The following TENM3 variants were observed in gnomAD, a reference collection of about 807,000 sequenced individuals.
The protein encoded by TENM3 is teneurin-3.
Under a neutral mutation model 255.1 loss-of-function variants are expected in TENM3, and 63 were observed. The ratio of observed to expected loss-of-function variants is 0.25; its 90% CI spans 0.20 to 0.30. The LOEUF is 0.30. Among genes scored for constraint, TENM3 ranks in the 10% least tolerant of loss-of-function variants. The pLI, the probability that TENM3 is intolerant of heterozygous loss-of-function variation, is 1.00. For synonymous variants in TENM3, 1,306 were observed against 1,322.3 expected (o/e 0.99, Z 0.27); for missense variants, 2,929 against 3,461.1 (o/e 0.85, Z 3.86).
the TENM3 span, among the ~76,000 whole-genome samples, chr4:182,128,778 T>C: frequency 5.3e-5 from 8 of 152,196 alleles, no homozygotes; most frequent in African/African-American, 1.9e-4. Context: ...TTACTTTTCA[T>C]TTCATCACTG....
the TENM3 span, among the ~76,000 whole-genome samples, chr4:182,097,342 G>A: frequency 4.6e-5 from 7 of 152,020 alleles, no homozygotes; most frequent in South Asian, 4.2e-4. Context: ...CACCTCCCTC[G>A]GCTCTGCCCT....
rs1180098828 is a variant in TENM3, at chr4:182,356,902, G to A, written c.511+9973G>A. Among the ~76,000 whole-genome samples the A allele has an allele frequency of 3.0e-4, 38 of 126,748 alleles. No homozygotes were observed. In the Admixed American group the frequency reaches 3.3e-3, roughly 11 times the overall value. The allele number at this position is 126,748 out of a possible 152,430, so 83.2% of individuals were successfully genotyped here. A position where few individuals can be genotyped will look rare whatever the true frequency, so the allele number is the denominator to read the frequency against. ...CCCACAACAGTCCCCAGAGTGTGAT[G>A]TTCCCCTTCCTGTGTCCATGTGTTC... On this transcript the variant is annotated intron_variant, in intron 3 of 27. Transcript: ENST00000511685.
chr4:181,979,537 T>C, the TENM3 span, among the ~76,000 whole-genome samples: 1 of 152,158 alleles, frequency 6.6e-6, no homozygotes, highest in African/African-American at 2.4e-5. Context: ...AAACCTTGAT[T>C]CCAGCTACCC....
chr4:182,174,445 G>GT (rs34770548), intron 1 of TENM3, among the ~76,000 whole-genome samples: 13,596 of 135,286 alleles, frequency 0.1, 952 homozygotes, highest in Admixed American at 0.2. Flanking sequence ...CTCTTTTTGT[G>GT]TTTTTTTTTT....
At chr4:181,591,869 T>C in the TENM3 span, among the ~76,000 whole-genome samples, 1 of 151,876 alleles carries the variant, frequency 6.6e-6, no homozygotes, top group Non-Finnish European at 1.5e-5. Context: ...CAGTGTAGAA[T>C]GCTACACAGC....
At chr4:181,768,453 C>T in the TENM3 span, among the ~76,000 whole-genome samples, 1 of 152,208 alleles carries the variant, frequency 6.6e-6, no homozygotes, top group Non-Finnish European at 1.5e-5. Flanking sequence ...AACATTAGAA[C>T]TCTTTACTCA....
chr4:181,499,515 A>G, the TENM3 span, among the ~76,000 whole-genome samples: 2 of 152,208 alleles, frequency 1.3e-5, no homozygotes, highest in Admixed American at 6.5e-5. Flanking sequence ...GCTGGCTGAC[A>G]TGAAGGGGCA....
the TENM3 span, among the ~76,000 whole-genome samples, chr4:181,952,431 T>C: frequency 6.6e-6 from 1 of 152,210 alleles, no homozygotes; most frequent in Non-Finnish European, 1.5e-5. Flanking sequence ...GTACAACACA[T>C]TAAGCAAAGA....
chr4:181,627,620 A>G, the TENM3 span, among the ~76,000 whole-genome samples: 2 of 152,288 alleles, frequency 1.3e-5, no homozygotes, highest in Non-Finnish European at 2.9e-5. Flanking sequence ...TTTGCTGAGA[A>G]TGATGGTTTC....
chr4:182,451,933 G>C (rs1160059856), intron 3 of TENM3, among the ~76,000 whole-genome samples: 1 of 152,176 alleles, frequency 6.6e-6, no homozygotes, highest in Non-Finnish European at 1.5e-5. Flanking sequence ...CAATCCAGAT[G>C]TAAATGCTAA....
chr4:182,447,272 GA>G (rs770714382), intron 3 of TENM3, among the ~76,000 whole-genome samples: 62 of 140,502 alleles, frequency 4.4e-4, no homozygotes, highest in Middle Eastern at 7.4e-3. Context: ...GTTAGTGATA[GA>G]AAAAAAAAAA....
At chr4:182,083,226 A>G in the TENM3 span, among the ~76,000 whole-genome samples, 35 of 152,332 alleles carry the variant, frequency 2.3e-4, 2 homozygotes, top group Middle Eastern at 3.4e-3. Context: ...TTAGATATGT[A>G]TTAAGTAATA....
At chr4:182,142,939 CTG>C (rs779188175), upstream of TENM3, 1 of 167,140 alleles carries the variant, frequency 6.0e-6, no homozygotes, top group East Asian at 1.9e-4. Flanking sequence ...CTACAAAACT[CTG>C]GAACCTCCAG....
chr4:181,730,319 A>G, the TENM3 span, among the ~76,000 whole-genome samples: 3 of 152,192 alleles, frequency 2.0e-5, no homozygotes, highest in African/African-American at 7.2e-5. Flanking sequence ...GGCTGAAAGA[A>G]TCATCCAGAA....
In TENM3 at chr4:182,673,041, T is replaced by C. The variant is rs753369911; in HGVS notation, c.1148T>C (p.Ile383Thr). The C allele has an allele frequency of 3.7e-6, 6 of 1,603,058 alleles. No homozygotes were observed. The highest frequency in any genetic ancestry group is 4.5e-5 in the East Asian group (2 of 44,706). Reference sequence around the variant, plus strand: ...GGATTTACGCAAGAAAATAACACCATAGATTCCGGAGAACTTGATATTGGC... The same window carrying C: ...GGATTTACGCAAGAAAATAACACCACAGATTCCGGAGAACTTGATATTGGC... ...LGGFTQENNT[I>T]DSGELDIGRR... The change falls in exon 7 of 28, where the codon ATA (isoleucine) becomes ACA (threonine). Residue 383 changes from isoleucine (I) to threonine (T), a missense_variant. Physicochemically the swap from Ile to Thr is moderately conservative, Grantham distance 89. Transcript: ENST00000511685.
the TENM3 span, among the ~76,000 whole-genome samples, chr4:181,659,442 C>G: frequency 6.6e-6 from 1 of 152,062 alleles, no homozygotes; most frequent in Non-Finnish European, 1.5e-5. Context: ...TGACCCTTTC[C>G]GGTAACAATT....
chr4:182,568,842 CA>C (rs1330665720), intron 3 of TENM3, among the ~76,000 whole-genome samples: 1 of 152,140 alleles, frequency 6.6e-6, no homozygotes, highest in African/African-American at 2.4e-5. Flanking sequence ...GAATGCACCT[CA>C]AAAACACTAG....
intron 12 of TENM3, among the ~76,000 whole-genome samples, chr4:182,712,201 C>T (rs1011782513): frequency 1.2e-4 from 18 of 152,222 alleles, no homozygotes; most frequent in Middle Eastern, 3.4e-3. Flanking sequence ...ACAGCAGATT[C>T]TCACATCTTC....
At chr4:182,670,849 T>G (rs912274921) in intron 6 of TENM3, among the ~76,000 whole-genome samples, 2 of 152,150 alleles carry the variant, frequency 1.3e-5, no homozygotes, top group Non-Finnish European at 2.9e-5. Flanking sequence ...TAAGTGTGTT[T>G]GAGGCATCGA....
Sources: allele counts gnomAD v4.1 joint callset (sites outside exome capture counted in the v4.1 genomes callset), GRCh38; gene constraint gnomAD v4.1.1; transcripts MANE v1.5; gene names NCBI Gene and HGNC (gene_info 2026-07-23, HGNC 2026-07-21).